LTBP1: variants seen among roughly 807,000 people sequenced by gnomAD.
The protein encoded by LTBP1 is latent transforming growth factor beta binding protein 1.
Under a neutral mutation model 207.6 loss-of-function variants are expected in LTBP1, and 129 were observed. That is an observed-to-expected ratio of 0.62 (90% confidence interval 0.54 to 0.72). The LOEUF (loss-of-function observed/expected upper bound fraction) is 0.72. Among genes scored for constraint, LTBP1 ranks in the 30% least tolerant of loss-of-function variants. LTBP1 has a pLI of 0.00. For missense variants in LTBP1, 2,281 were observed against 2,217.2 expected, an observed-to-expected ratio of 1.03 and a Z score of -0.58; for synonymous variants, 963 against 833.7, an observed-to-expected ratio of 1.16 and a Z score of -2.67.
At chr2:33,331,900 A>G (rs541942970) in intron 24 of LTBP1, among the ~76,000 whole-genome samples, 26 of 152,222 alleles carry the variant, frequency 1.7e-4, no homozygotes, top group African/African-American at 5.1e-4. Flanking sequence ...TGTAATTGCA[A>G]TTGTTGAGAA....
intron 4 of LTBP1, among the ~76,000 whole-genome samples, chr2:33,124,279 A>C (rs549672403): frequency 6.6e-4 from 101 of 152,244 alleles, no homozygotes; most frequent in African/African-American, 2.4e-3. Flanking sequence ...GCATGGTGCT[A>C]CATGTCTGTA....
intron 24 of LTBP1, among the ~76,000 whole-genome samples, chr2:33,336,321 A>G (rs994649749): frequency 6.6e-6 from 1 of 152,202 alleles, no homozygotes; most frequent in Non-Finnish European, 1.5e-5. Flanking sequence ...TCATGGTGAC[A>G]GGTAAGAGAA....
chr2:33,192,660 T>C (rs557615249), intron 7 of LTBP1, among the ~76,000 whole-genome samples: 1 of 152,332 alleles, frequency 6.6e-6, no homozygotes, highest in East Asian at 1.9e-4. Context: ...ATTTTGGGAA[T>C]AGTTGGGGAA....
chr2:32,971,233 T>C (rs1680832296), intron 2 of LTBP1, among the ~76,000 whole-genome samples: 1 of 152,178 alleles, frequency 6.6e-6, no homozygotes, highest in Non-Finnish European at 1.5e-5. Context: ...TCATATTGTC[T>C]GCAAATAGAG....
chr2:33,033,882 G>A (rs1187943125), intron 3 of LTBP1, among the ~76,000 whole-genome samples: 2 of 152,180 alleles, frequency 1.3e-5, no homozygotes, highest in Non-Finnish European at 2.9e-5. Flanking sequence ...AGTTTCAGCA[G>A]GCAGAAGCCT....
intron 3 of LTBP1, among the ~76,000 whole-genome samples, chr2:33,026,782 A>T (rs2075436455): frequency 6.6e-6 from 1 of 152,254 alleles, no homozygotes; most frequent in Admixed American, 6.5e-5. Flanking sequence ...ATTTAAACTT[A>T]AAAAGATGTT....
intron 4 of LTBP1, among the ~76,000 whole-genome samples, chr2:33,128,218 C>T (rs1448205576): frequency 6.6e-6 from 1 of 152,142 alleles, no homozygotes; most frequent in Non-Finnish European, 1.5e-5. Flanking sequence ...GGTCAAATGC[C>T]TCCATTTACT....
At chr2:33,171,155 G>A (rs1358480613) in intron 5 of LTBP1, among the ~76,000 whole-genome samples, 6 of 130,898 alleles carry the variant, frequency 4.6e-5, no homozygotes, top group Admixed American at 7.9e-5. Flanking sequence ...AAAGCTGGAC[G>A]GAGAATGACT....
chr2:33,188,857 C>T lies in LTBP1; in HGVS notation c.1701+6C>T. ...AGGAAACCATTGGGTCACAGGTAAA[C>T]ATCATCACCGAGCCTGCTTTAGCAG... On this transcript the variant is annotated splice_donor_region_variant and intron_variant, in intron 7 of 33. Transcript: ENST00000404816. The T allele has an allele frequency of 6.2e-7, 1 of 1,613,348 alleles. No homozygotes were observed. Among genetic ancestry groups the T allele is most frequent in the South Asian group, 1.1e-5 (1 of 91,010 alleles).
intron 2 of LTBP1, among the ~76,000 whole-genome samples, chr2:32,980,280 A>G (rs1390677514): frequency 1.3e-5 from 2 of 151,904 alleles, no homozygotes; most frequent in Non-Finnish European, 2.9e-5. Flanking sequence ...CTCTGTTGGT[A>G]TGTTGTAATT....
At chr2:33,145,836 G>A (rs759136449) in intron 5 of LTBP1, among the ~76,000 whole-genome samples, 6 of 152,158 alleles carry the variant, frequency 3.9e-5, no homozygotes, top group Non-Finnish European at 7.4e-5. Flanking sequence ...CCAAAAAGAA[G>A]CTAAAGTCTA....
intron 2 of LTBP1, among the ~76,000 whole-genome samples, chr2:32,955,074 T>C (rs544798271): frequency 3.3e-5 from 5 of 152,346 alleles, no homozygotes; most frequent in African/African-American, 1.2e-4. Flanking sequence ...TGAATCAAAA[T>C]CTTTGGGGTT....
chr2:33,144,728 A>G lies in LTBP1; in HGVS notation c.1201+9768A>G, dbSNP rs748853625. ...GCGATGCAGTATATATACCTGCACC[A>G]TTTATTGGCATATGAGTTGATCTCA... On this transcript the variant is annotated intron_variant, in intron 5 of 33. Transcript: ENST00000404816. Among the ~76,000 whole-genome samples the G allele has an allele frequency of 3.8e-4, 58 of 152,220 alleles. 1 individual carries two copies. The highest frequency in any genetic ancestry group is 2.1e-4 in the Non-Finnish European group (14 of 68,034).
chr2:33,024,957 C>T (rs1424169305), intron 3 of LTBP1, among the ~76,000 whole-genome samples: 1 of 152,212 alleles, frequency 6.6e-6, no homozygotes, highest in African/African-American at 2.4e-5. Context: ...CAAGATGGCT[C>T]ACTTTCATGG....
intron 15 of LTBP1, among the ~76,000 whole-genome samples, chr2:33,266,875 G>A (rs1474343906): frequency 6.6e-6 from 1 of 152,136 alleles, no homozygotes; most frequent in Admixed American, 6.5e-5. Context: ...GGTACTGAAA[G>A]AGCTATGACA....
At chr2:33,069,575 C>T (rs1048038436) in intron 3 of LTBP1, among the ~76,000 whole-genome samples, 5 of 152,194 alleles carry the variant, frequency 3.3e-5, no homozygotes, top group African/African-American at 7.2e-5. Flanking sequence ...GGTGTGTGTG[C>T]AGCACAGCCT....
chr2:32,963,960 C>A (rs1391284655), intron 2 of LTBP1, among the ~76,000 whole-genome samples: 4 of 152,142 alleles, frequency 2.6e-5, no homozygotes, highest in Admixed American at 2.6e-4. Flanking sequence ...AACGAAGGAG[C>A]AACATTTTAT....
At chr2:33,152,173 A>G (rs2083591687) in intron 5 of LTBP1, among the ~76,000 whole-genome samples, 1 of 152,206 alleles carries the variant, frequency 6.6e-6, no homozygotes, top group South Asian at 2.1e-4. Flanking sequence ...TATACATCTG[A>G]CAAAGGACTA....
At chr2:32,996,441 T>C (rs1439845291) in intron 2 of LTBP1, among the ~76,000 whole-genome samples, 1 of 152,144 alleles carries the variant, frequency 6.6e-6, no homozygotes, top group African/African-American at 2.4e-5. Flanking sequence ...AACATATGAA[T>C]TTTGGGAGAG....
Sources: gnomAD v4.1 joint callset for allele counts (sites outside exome capture counted in the v4.1 genomes callset) on GRCh38, gnomAD v4.1.1 for gene constraint, MANE v1.5 for transcripts, NCBI Gene and HGNC (gene_info 2026-07-23, HGNC 2026-07-21) for gene names.